EVI5: variants seen among roughly 807,000 people sequenced by gnomAD.
EVI5 encodes the protein ecotropic viral integration site 5, also known as ecotropic viral integration site 5 protein homolog.
A neutral mutation model predicts 112.0 loss-of-function variants in EVI5; 73 were observed. The ratio of observed to expected loss-of-function variants is 0.65; its 90% CI spans 0.54 to 0.79. The LOEUF (loss-of-function observed/expected upper bound fraction) is 0.79, where lower values mean the gene tolerates loss of function less well. EVI5 is among the 30% of genes least tolerant of loss of function. EVI5 has a pLI of 0.00. For synonymous variants in EVI5, 305 were observed against 319.9 expected, an observed-to-expected ratio of 0.95 and a Z score of 0.50; for missense variants, 900 against 968.8, an observed-to-expected ratio of 0.93 and a Z score of 0.94.
intron 1 of EVI5, among the ~76,000 whole-genome samples, chr1:92,760,512 A>G (rs915223372): frequency 4.6e-5 from 7 of 151,994 alleles, no homozygotes; most frequent in Non-Finnish European, 1.0e-4. Flanking sequence ...CGGGAGGATC[A>G]CTTGAGGTCA....
intron 19 of EVI5, among the ~76,000 whole-genome samples, chr1:92,539,675 GA>G (rs1448752801): frequency 6.6e-6 from 1 of 152,026 alleles, no homozygotes; most frequent in African/African-American, 2.4e-5. Flanking sequence ...GTCCAGAAGA[GA>G]AAGACTATGA....
At chr1:92,613,471 G>T (rs1652348223) in intron 16 of EVI5, among the ~76,000 whole-genome samples, 1 of 152,130 alleles carries the variant, frequency 6.6e-6, no homozygotes, top group African/African-American at 2.4e-5. Context: ...GCTAATTTTT[G>T]TATTTTTAGT....
At chr1:92,590,701 C>T (rs907024243) in intron 18 of EVI5, among the ~76,000 whole-genome samples, 1 of 152,146 alleles carries the variant, frequency 6.6e-6, no homozygotes, top group African/African-American at 2.4e-5. Context: ...AGGATACTAT[C>T]CAGGAGAACT....
At chr1:92,655,237 T>C (rs967984368) in intron 13 of EVI5, among the ~76,000 whole-genome samples, 3 of 151,806 alleles carry the variant, frequency 2.0e-5, no homozygotes, top group Non-Finnish European at 2.9e-5. Context: ...GAAAGGTGTC[T>C]AATCATCAGT....
At chr1:92,599,453 T>C (rs1170847119) in intron 18 of EVI5, among the ~76,000 whole-genome samples, 2 of 152,022 alleles carry the variant, frequency 1.3e-5, no homozygotes, top group African/African-American at 4.8e-5. Flanking sequence ...ATTACTTTGA[T>C]AACTGAAAAA....
intron 13 of EVI5, among the ~76,000 whole-genome samples, chr1:92,656,481 A>C (rs1299866363): frequency 6.6e-6 from 1 of 151,966 alleles, no homozygotes; most frequent in African/African-American, 2.4e-5. Context: ...TCGTACCTCA[A>C]GAACTAGAAA....
At chr1:92,608,256 T>G (rs1650911330) in intron 16 of EVI5, among the ~76,000 whole-genome samples, 1 of 152,156 alleles carries the variant, frequency 6.6e-6, no homozygotes, top group South Asian at 2.1e-4. Context: ...AATATACCAT[T>G]TATACAAAAA....
intron 13 of EVI5, among the ~76,000 whole-genome samples, chr1:92,659,588 A>G (rs1209555273): frequency 2.0e-5 from 3 of 152,146 alleles, no homozygotes; most frequent in African/African-American, 7.2e-5. Flanking sequence ...TCAGAAAATA[A>G]CAGATATTGG....
At chr1:92,542,268 CT>C (rs969642245) in intron 19 of EVI5, among the ~76,000 whole-genome samples, 104 of 147,180 alleles carry the variant, frequency 7.1e-4, no homozygotes, top group Non-Finnish European at 1.1e-3. Context: ...CAAGAAACCA[CT>C]TTTTTTTTTT....
intron 18 of EVI5, among the ~76,000 whole-genome samples, chr1:92,601,156 T>C (rs1649093114): frequency 6.6e-6 from 1 of 152,162 alleles, no homozygotes; most frequent in Non-Finnish European, 1.5e-5. Flanking sequence ...CAAGAGCCAG[T>C]TGATGATAAT....
intron 13 of EVI5, among the ~76,000 whole-genome samples, chr1:92,637,302 C>T (rs1484921860): frequency 2.0e-5 from 3 of 151,132 alleles, no homozygotes; most frequent in African/African-American, 4.9e-5. Flanking sequence ...GGCTTGAGCC[C>T]GGGAGGTGGA....
At chr1:92,668,806 T>A (rs530462279) in intron 10 of EVI5, among the ~76,000 whole-genome samples, 33 of 152,356 alleles carry the variant, frequency 2.2e-4, no homozygotes, top group Non-Finnish European at 4.4e-4. Context: ...CTTCTTTTTT[T>A]AAAACTAATA....
chr1:92,774,950 G>A (rs957135192), intron 1 of EVI5, among the ~76,000 whole-genome samples: 7 of 152,194 alleles, frequency 4.6e-5, no homozygotes, highest in Non-Finnish European at 7.3e-5. Flanking sequence ...CAATCAACAG[G>A]TTCTAACAAC....
intron 2 of EVI5, among the ~76,000 whole-genome samples, chr1:92,735,502 A>G (rs1382646388): frequency 6.6e-6 from 1 of 151,340 alleles, no homozygotes; most frequent in East Asian, 1.9e-4. Context: ...AAAACCTGTT[A>G]AAAGTTATTT....
intron 1 of EVI5, among the ~76,000 whole-genome samples, chr1:92,767,479 G>A (rs1322896760): frequency 2.0e-5 from 3 of 152,164 alleles, no homozygotes; most frequent in African/African-American, 7.2e-5. Context: ...GGATAAGGGG[G>A]AACTACTATA....
intron 2 of EVI5, among the ~76,000 whole-genome samples, chr1:92,712,455 A>G (rs1263554125): frequency 6.6e-6 from 1 of 152,210 alleles, no homozygotes; most frequent in Non-Finnish European, 1.5e-5. Context: ...ACATTCCAGA[A>G]AAACAAGCCT....
intron 19 of EVI5, among the ~76,000 whole-genome samples, chr1:92,532,783 C>T (rs1663093304): frequency 6.6e-6 from 1 of 152,136 alleles, no homozygotes; most frequent in Non-Finnish European, 1.5e-5. Context: ...ACATTTAAAG[C>T]AGTGTGTAGA....
At chr1:92,606,502 T>C (rs983670151) in intron 17 of EVI5, among the ~76,000 whole-genome samples, 34 of 152,362 alleles carry the variant, frequency 2.2e-4, no homozygotes, top group African/African-American at 7.0e-4. Context: ...ATTTTATTTA[T>C]AGTTTAGTCA....
intron 19 of EVI5, among the ~76,000 whole-genome samples, chr1:92,518,373 G>C (rs1191627099): frequency 1.3e-5 from 2 of 152,096 alleles, no homozygotes; most frequent in African/African-American, 2.4e-5. Flanking sequence ...AATGTGCATG[G>C]AAGTATTTTT....
Sources: gnomAD v4.1 joint callset for allele counts (sites outside exome capture counted in the v4.1 genomes callset) on GRCh38, gnomAD v4.1.1 for gene constraint, MANE v1.5 for transcripts, NCBI Gene and HGNC (gene_info 2026-07-23, HGNC 2026-07-21) for gene names.